CERS3: variants seen among roughly 807,000 people sequenced by gnomAD.
CERS3 encodes LAG1 homolog, ceramide synthase 3.
Under a neutral mutation model 50.3 loss-of-function variants are expected in CERS3, and 33 were observed. The ratio of observed to expected loss-of-function variants is 0.66; its 90% CI spans 0.50 to 0.88. The LOEUF (loss-of-function observed/expected upper bound fraction) is 0.88. CERS3 is among the 40% of genes least tolerant of loss of function. The pLI, the probability that CERS3 is intolerant of heterozygous loss-of-function variation, is 0.00. For synonymous variants in CERS3, 176 were observed against 155.2 expected, an observed-to-expected ratio of 1.13 and a Z score of -0.99; for missense variants, 470 against 460.3, an observed-to-expected ratio of 1.02 and a Z score of -0.19.
At chr15:100,516,001 A>G (rs2036478165) in intron 2 of CERS3, among the ~76,000 whole-genome samples, 1 of 152,206 alleles carries the variant, frequency 6.6e-6, no homozygotes, top group African/African-American at 2.4e-5. Context: ...GGTCCAGGGC[A>G]GAGCAAAGGA....
intron 11 of CERS3, among the ~76,000 whole-genome samples, chr15:100,418,582 G>A (rs1401932424): frequency 6.3e-5 from 9 of 143,078 alleles, no homozygotes; most frequent in Admixed American, 2.2e-4. Flanking sequence ...TACAGAGAAC[G>A]CCACAAAGAT....
intron 1 of CERS3, among the ~76,000 whole-genome samples, chr15:100,523,840 T>A (rs1008785469): frequency 1.3e-5 from 2 of 152,112 alleles, no homozygotes; most frequent in African/African-American, 4.8e-5. Flanking sequence ...GTATTTCAGG[T>A]ACTCAATAGC....
At chr15:100,507,327 G>C (rs1158186969) in intron 2 of CERS3, among the ~76,000 whole-genome samples, 1 of 152,184 alleles carries the variant, frequency 6.6e-6, no homozygotes, top group Non-Finnish European at 1.5e-5. Context: ...TTCAGCTCTA[G>C]GCATGGGCTT....
intron 5 of CERS3, among the ~76,000 whole-genome samples, chr15:100,480,383 C>A (rs1234005165): frequency 6.6e-6 from 1 of 152,208 alleles, no homozygotes; most frequent in Non-Finnish European, 1.5e-5. Context: ...CAGTTCCAGG[C>A]ACACAATAAA....
At chr15:100,439,550 A>G (rs1327688318) in intron 11 of CERS3, among the ~76,000 whole-genome samples, 2 of 152,244 alleles carry the variant, frequency 1.3e-5, no homozygotes, top group African/African-American at 4.8e-5. Flanking sequence ...AGTATCCAAG[A>G]ATCTGTCGCC....
rs148882730 is a variant in CERS3 at position 100,412,460 on chromosome 15, G to T, written c.1000-9595C>A. On this transcript the variant is annotated intron_variant, in intron 11 of 11. Coordinates refer to ENST00000679737, the MANE Select transcript of CERS3 (RefSeq NM_001378789.1). ...ACACTGTCTTGATTACTGAAGATTT[G>T]TAGTAAGTTTGGAAATCAGGAAGTT... Among the ~76,000 whole-genome samples, 797 of 152,230 alleles carry T rather than the reference G, an allele frequency of 5.2e-3. 7 individuals are homozygous for T. The highest frequency in any genetic ancestry group is 0.018 in the African/African-American group (763 of 41,536).
chr15:100,488,166 G>C (rs1448315822), intron 4 of CERS3, among the ~76,000 whole-genome samples: 1 of 152,176 alleles, frequency 6.6e-6, no homozygotes, highest in Non-Finnish European at 1.5e-5. Context: ...TGAGGCTCAT[G>C]TGTATAGTAT....
intron 11 of CERS3, among the ~76,000 whole-genome samples, chr15:100,405,395 G>A (rs74038759): frequency 0.033 from 5,077 of 152,186 alleles, 302 homozygotes; most frequent in African/African-American, 0.11. Context: ...CCATGATGAT[G>A]TACAACTACA....
intron 2 of CERS3, among the ~76,000 whole-genome samples, chr15:100,517,578 CCA>C (rs886711815): frequency 2.0e-5 from 3 of 152,038 alleles, no homozygotes; most frequent in Admixed American, 6.5e-5. Flanking sequence ...TCTCTGTTGC[CCA>C]CAGATAAAGA....
At chr15:100,506,143 A>G (rs968252160) in intron 2 of CERS3, among the ~76,000 whole-genome samples, 3 of 152,220 alleles carry the variant, frequency 2.0e-5, no homozygotes, top group African/African-American at 7.2e-5. Flanking sequence ...ACAAATGGAT[A>G]CCATCAATGA....
At chr15:100,429,970 T>C (rs1404857282) in intron 11 of CERS3, among the ~76,000 whole-genome samples, 1 of 151,910 alleles carries the variant, frequency 6.6e-6, no homozygotes, top group Non-Finnish European at 1.5e-5. Context: ...TATATGCTTA[T>C]ACATAATTCA....
At chr15:100,459,068 T>C (rs2034466809) in intron 10 of CERS3, among the ~76,000 whole-genome samples, 1 of 152,232 alleles carries the variant, frequency 6.6e-6, no homozygotes, top group South Asian at 2.1e-4. Context: ...CATACATTAG[T>C]GTGTGTGTCT....
intron 2 of CERS3, among the ~76,000 whole-genome samples, chr15:100,506,787 G>A (rs117943095): frequency 0.024 from 3,653 of 152,248 alleles, 113 homozygotes; most frequent in Admixed American, 0.09. Context: ...ACAGACGAGG[G>A]AAAATGAGAA....
intron 5 of CERS3, among the ~76,000 whole-genome samples, chr15:100,481,171 A>T (rs2035287742): frequency 6.6e-6 from 1 of 152,192 alleles, no homozygotes; most frequent in South Asian, 2.1e-4. Context: ...AATCAGAAAA[A>T]TGAAGCCATC....
intron 10 of CERS3, among the ~76,000 whole-genome samples, chr15:100,464,605 T>C (rs995188567): frequency 1.3e-5 from 2 of 152,228 alleles, no homozygotes; most frequent in African/African-American, 2.4e-5. Flanking sequence ...GTGGTTTGCC[T>C]GGCCTTAGAA....
At chr15:100,423,641 T>C (rs2587835) in intron 11 of CERS3, among the ~76,000 whole-genome samples, 56,443 of 151,990 alleles carry the variant, frequency 0.37, 11,031 homozygotes, top group East Asian at 0.55. Context: ...AAAAACTACC[T>C]ATCAGGTACT....
chr15:100,520,060 A>C (rs1392009813), intron 2 of CERS3, among the ~76,000 whole-genome samples: 3 of 152,162 alleles, frequency 2.0e-5, no homozygotes. Flanking sequence ...GGATCCTAGA[A>C]TTCCCTGCCT....
chr15:100,404,295 T>C (rs1459994319), intron 11 of CERS3, among the ~76,000 whole-genome samples: 1 of 152,264 alleles, frequency 6.6e-6, no homozygotes. Context: ...ACAGTCACCA[T>C]AGAAATTAAT....
At position 100,452,276 on chromosome 15, in the gene CERS3, C is replaced by A. The variant is rs545440215; in HGVS notation, c.999+3617G>T. On this transcript the variant is annotated intron_variant, in intron 11 of 11. Transcript: ENST00000679737. ...AAAAAACTGAAATTATATGTAGTAT[C>A]TTTTTAGACCACAATGGATTAGAAC... Among the ~76,000 whole-genome samples the A allele has an allele frequency of 2.0e-5, 3 of 152,252 alleles. No homozygotes were observed. In the South Asian group the frequency reaches 6.2e-4, roughly 31 times the overall value.
Sources: gnomAD v4.1 joint callset for allele counts (sites outside exome capture counted in the v4.1 genomes callset) on GRCh38, gnomAD v4.1.1 for gene constraint, MANE v1.5 for transcripts, NCBI Gene and HGNC (gene_info 2026-07-23, HGNC 2026-07-21) for gene names.